PAPPA: variants seen among roughly 807,000 people sequenced by gnomAD.
The protein encoded by PAPPA is pappalysin-1.
PAPPA carries 60 observed loss-of-function variants against 164.0 expected under a neutral mutation model. The observed-to-expected ratio is 0.37, with a 90% confidence interval of 0.30 to 0.45. PAPPA has a LOEUF of 0.45. Among genes scored for constraint, PAPPA ranks in the 20% least tolerant of loss-of-function variants. The pLI, the probability that PAPPA is intolerant of heterozygous loss-of-function variation, is 1.00. For synonymous variants in PAPPA, 875 were observed against 814.1 expected (o/e 1.07, Z -1.27); for missense variants, 1,782 against 2,087.3 (o/e 0.85, Z 2.85).
chr9:116,200,927 C>A, intron 2 of PAPPA, among the ~76,000 whole-genome samples: 1 of 152,100 alleles, frequency 6.6e-6, no homozygotes, highest in East Asian at 1.9e-4. Flanking sequence ...AAGGAATGAT[C>A]AATTTTCAAT....
At chr9:116,231,330 C>T (rs544662688) in intron 6 of PAPPA, among the ~76,000 whole-genome samples, 1 of 151,690 alleles carries the variant, frequency 6.6e-6, no homozygotes, top group African/African-American at 2.4e-5. Context: ...TCCACCTTTC[C>T]TCCTCCCCCT....
At chr9:116,299,877 A>AT (rs11365748) in intron 9 of PAPPA, among the ~76,000 whole-genome samples, 117 of 142,940 alleles carry the variant, frequency 8.2e-4, no homozygotes, top group East Asian at 4.7e-3. Flanking sequence ...CATTACCTCC[A>AT]TTTTTTTTTT....
intron 19 of PAPPA, among the ~76,000 whole-genome samples, chr9:116,374,161 G>A (rs10983117): frequency 2.7e-5 from 4 of 146,268 alleles, no homozygotes; most frequent in Admixed American, 6.9e-5. Context: ...GGTAGTGTTG[G>A]TGGTGGTGTT....
intron 2 of PAPPA, among the ~76,000 whole-genome samples, chr9:116,206,543 C>T (rs1844237758): frequency 6.6e-6 from 1 of 152,114 alleles, no homozygotes; most frequent in African/African-American, 2.4e-5. Flanking sequence ...TAATTCAATT[C>T]CATCAAAATC....
At chr9:116,382,900 G>A (rs963541966) in intron 21 of PAPPA, among the ~76,000 whole-genome samples, 1 of 152,138 alleles carries the variant, frequency 6.6e-6, no homozygotes, top group Non-Finnish European at 1.5e-5. Flanking sequence ...TGGAGCAGGA[G>A]ACTGGCATGT....
At chr9:116,279,744 G>T (rs1390218265) in intron 9 of PAPPA, among the ~76,000 whole-genome samples, 1 of 152,218 alleles carries the variant, frequency 6.6e-6, no homozygotes, top group Non-Finnish European at 1.5e-5. Context: ...CATGTGCCTT[G>T]ATGTACATCT....
At chr9:116,258,588 G>T (rs1029095875) in intron 7 of PAPPA, among the ~76,000 whole-genome samples, 1 of 151,690 alleles carries the variant, frequency 6.6e-6, no homozygotes, top group African/African-American at 2.4e-5. Flanking sequence ...CCCGGGAGGC[G>T]GAGGTTGAGG....
rs542502325 is a variant in PAPPA, at chr9:116,202,320, C to T, written c.1479-5136C>T. 8.2e-4 allele frequency among the ~76,000 whole-genome samples: 125 copies of T among 152,292 alleles called. 1 individual carries two copies. In the South Asian group the frequency reaches 0.024, roughly 29 times the overall value. ...AGATTATTACAGAGTTGTGCCATCT[C>T]AGGCCAGTGCATTTAGGAAATATTT... On this transcript the variant is annotated intron_variant, in intron 2 of 21. Coordinates refer to ENST00000328252, the MANE Select transcript of PAPPA (RefSeq NM_002581.5).
chr9:116,180,079 A>T (rs1843885215), intron 1 of PAPPA, among the ~76,000 whole-genome samples: 1 of 152,058 alleles, frequency 6.6e-6, no homozygotes, highest in Non-Finnish European at 1.5e-5. Context: ...CAATGACCTT[A>T]CATCTCCCGC....
chr9:116,154,686 G>C lies in PAPPA; in HGVS notation c.415+99G>C. The C allele has an allele frequency of 8.2e-7, 1 of 1,222,850 alleles. No homozygotes were observed. Among genetic ancestry groups the C allele is most frequent in the African/African-American group, 1.6e-5 (1 of 63,846 alleles). The allele number at this position is 1,222,850 out of a possible 1,614,324, so 75.7% of individuals were successfully genotyped here. On this transcript the variant is annotated intron_variant, in intron 1 of 21. Transcript: ENST00000328252. This position sits in a 1 kb window ranked among gnomAD's most constrained non-coding sequence, Gnocchi z 5.2. ...TGGCGGGCGGGTCGGGGGCTTGCGG[G>C]CGTGTCTGTGCGAGAGCTGCCCCGC...
chr9:116,355,595 C>T (rs986475781), intron 17 of PAPPA, among the ~76,000 whole-genome samples: 36 of 152,318 alleles, frequency 2.4e-4, no homozygotes, highest in African/African-American at 8.4e-4. Flanking sequence ...ATCAGCTTCC[C>T]CCTCACTCCC....
At chr9:116,236,826 T>C (rs956470754) in intron 7 of PAPPA, among the ~76,000 whole-genome samples, 1 of 152,202 alleles carries the variant, frequency 6.6e-6, no homozygotes, top group Non-Finnish European at 1.5e-5. Context: ...CTTAGAGATG[T>C]GAAGTCACTT....
At chr9:116,214,805 G>T (rs1254992783) in intron 4 of PAPPA, among the ~76,000 whole-genome samples, 3 of 152,248 alleles carry the variant, frequency 2.0e-5, no homozygotes, top group Admixed American at 6.5e-5. Context: ...AGGAGCAAGT[G>T]TCCTGTCCCC....
At position 116,287,773 on chromosome 9, in the gene PAPPA, T is replaced by G. The variant is rs1291424935; in HGVS notation, c.2954-14984T>G. On this transcript the variant is annotated intron_variant, in intron 9 of 21. Coordinates refer to ENST00000328252, the MANE Select transcript of PAPPA (RefSeq NM_002581.5). ...TGGTTGGTGCCTATCCAGGGTCCTA[T>G]TCTTTGACCATATCCTACCACATCA... 2.0e-5 allele frequency among the ~76,000 whole-genome samples: 3 copies of G among 152,334 alleles called. No individual in the cohort carries two copies. In the South Asian group the frequency reaches 6.2e-4, roughly 32 times the overall value.
intron 1 of PAPPA, among the ~76,000 whole-genome samples, chr9:116,163,235 T>C (rs1271953429): frequency 1.3e-5 from 2 of 151,910 alleles, no homozygotes; most frequent in Admixed American, 1.3e-4. Flanking sequence ...TAATGTCAGG[T>C]GAATGTTTGT....
At chr9:116,245,792 G>A (rs1010445148) in intron 7 of PAPPA, among the ~76,000 whole-genome samples, 1 of 152,200 alleles carries the variant, frequency 6.6e-6, no homozygotes, top group African/African-American at 2.4e-5. Context: ...TAAGAAGGCT[G>A]TTAAACACGT....
rs889439837 is a variant in PAPPA at position 116,235,583 on chromosome 9, C to T, written c.2678C>T (p.Pro893Leu). ...PLKYKVVRDP[P>L]LQMDVASILH... is the part of the protein sequence containing the mutation. The stretch of plus-strand genomic sequence containing the variant: ...AAGTATAAGGTGGTCCGGGACCCTC[C>T]TCTCCAGATGGATGTGGCCTCCATC... Residue 893 changes from proline (P) to leucine (L), a missense_variant, in exon 7 of 22, where the codon CCT (proline) becomes CTT (leucine). This residue lies in a region of PAPPA where 1,324 missense variants were observed against 1,656.9 expected (regional missense o/e 0.80). Transcript: ENST00000328252. 6.2e-7 allele frequency: 1 copy of T among 1,613,534 alleles called. No individual in the cohort carries two copies. The highest frequency in any genetic ancestry group is 8.5e-7 in the Non-Finnish European group (1 of 1,179,920).
In PAPPA at chr9:116,154,661, T is replaced by C; in HGVS notation, c.415+74T>C. On this transcript the variant is annotated intron_variant, in intron 1 of 21. Transcript: ENST00000328252. The surrounding 1 kb of genome is among the most constrained non-coding windows in gnomAD (Gnocchi z 5.2). ...AGGCTCGCGGGTGTCTGGGCGCGGG[T>C]GGCGGGCGGGTCGGGGGCTTGCGGG... is the stretch of plus-strand genomic sequence containing the variant. 1 of 1,251,160 alleles carries C rather than the reference T, an allele frequency of 8.0e-7. No homozygotes were observed. The highest frequency in any genetic ancestry group is 1.0e-6 in the Non-Finnish European group (1 of 997,034). The allele number at this position is 1,251,160 out of a possible 1,614,324, so 77.5% of individuals were successfully genotyped here.
At chr9:116,229,017 C>G (rs1844551950) in intron 6 of PAPPA, among the ~76,000 whole-genome samples, 2 of 152,062 alleles carry the variant, frequency 1.3e-5, no homozygotes, top group African/African-American at 2.4e-5. Context: ...CAAGGCAGTG[C>G]TGAGTGTCTG....
Sources: allele counts gnomAD v4.1 joint callset (sites outside exome capture counted in the v4.1 genomes callset), GRCh38; gene constraint gnomAD v4.1.1; regional missense constraint gnomAD v4.1.1; non-coding constraint Gnocchi (gnomAD v3.1); transcripts MANE v1.5; gene names NCBI Gene and HGNC (gene_info 2026-07-23, HGNC 2026-07-21).